Variants in PDZRN4 observed in about 807,000 individuals in gnomAD.
PDZRN4 encodes PDZ domain-containing RING finger protein 4.
Under a neutral mutation model 99.0 loss-of-function variants are expected in PDZRN4, and 70 were observed. That is an observed-to-expected ratio of 0.71 (90% CI 0.58 to 0.86). The LOEUF is 0.86. Among genes scored for constraint, PDZRN4 ranks in the 40% least tolerant of loss-of-function variants. PDZRN4 has a pLI of 0.00. For missense variants in PDZRN4, 1,474 were observed against 1,331.2 expected (o/e 1.11, Z -1.67); for synonymous variants, 551 against 501.6 (o/e 1.10, Z -1.32).
intron 3 of PDZRN4, among the ~76,000 whole-genome samples, chr12:41,343,832 C>A (rs1951834611): frequency 6.6e-6 from 1 of 151,694 alleles, no homozygotes; most frequent in Non-Finnish European, 1.5e-5. Context: ...TATATGAAAA[C>A]ATCAAATTGT....
At position 41,573,327 on chromosome 12, in the gene PDZRN4, T is replaced by A. The variant is rs143462708; in HGVS notation, c.2548T>A (p.Tyr850Asn). The A allele has an allele frequency of 6.2e-7, 1 of 1,613,294 alleles. No individual in the cohort carries two copies. The highest frequency in any genetic ancestry group is 2.2e-5 in the East Asian group (1 of 44,870). The change falls in exon 10 of 10, where the codon TAT becomes AAT. Residue 850 changes from tyrosine (Y) to asparagine (N), a missense_variant. Transcript: ENST00000402685. ...AAACATCCCAGCACACGCCCGGCAT[T>A]ATCAAAGCTACATGCAGTTAATTCA... Reference protein sequence around the residue: ...YANIPAHARHYQSYMQLIQQK... With the variant: ...YANIPAHARHNQSYMQLIQQK...
chr12:41,452,172 A>G (rs2608701), intron 3 of PDZRN4, among the ~76,000 whole-genome samples: 76,923 of 151,068 alleles, frequency 0.51, 20,078 homozygotes, highest in African/African-American at 0.64. Context: ...GCTCACACCT[A>G]TAATCCCAGC....
chr12:41,539,555 C>T (rs77330523), intron 5 of PDZRN4, among the ~76,000 whole-genome samples: 1,619 of 152,190 alleles, frequency 0.011, 22 homozygotes, highest in African/African-American at 0.037. Flanking sequence ...AACTCCCTCT[C>T]CCCAGTATAA....
intron 3 of PDZRN4, among the ~76,000 whole-genome samples, chr12:41,380,960 C>T (rs1349677396): frequency 6.6e-6 from 1 of 152,130 alleles, no homozygotes; most frequent in South Asian, 2.1e-4. Flanking sequence ...GCCTTTATCT[C>T]TGTCTTCATG....
In PDZRN4 at chr12:41,572,887, A is replaced by G; in HGVS notation, c.2108A>G (p.His703Arg). The change falls in exon 10 of 10, where the codon CAT (histidine) becomes CGT (arginine). Residue 703 changes from histidine (H) to arginine (R), a missense_variant. By Grantham distance (29) the His-to-Arg change is conservative. Coordinates refer to ENST00000402685, the MANE Select transcript of PDZRN4 (RefSeq NM_001164595.2). ...CAGTATGGAGACATCTGGACATTGC[A>G]TGATGGAGGATTCCGGAATTATAAC... ...TDQYGDIWTL[H>R]DGGFRNYNTS... The G allele has an allele frequency of 6.2e-7, 1 of 1,614,176 alleles. No individual in the cohort carries two copies. The highest frequency in any genetic ancestry group is 8.5e-7 in the Non-Finnish European group (1 of 1,180,016).
At chr12:41,400,119 C>T (rs1033613088) in intron 3 of PDZRN4, among the ~76,000 whole-genome samples, 2 of 152,120 alleles carry the variant, frequency 1.3e-5, no homozygotes, top group African/African-American at 4.8e-5. Flanking sequence ...GTGCTGGTTG[C>T]AAGAATATGA....
chr12:41,329,873 T>C (rs1342452881), intron 3 of PDZRN4, among the ~76,000 whole-genome samples: 3 of 152,112 alleles, frequency 2.0e-5, no homozygotes, highest in Non-Finnish European at 4.4e-5. Flanking sequence ...TTTACTCAAG[T>C]TGATCAGACC....
At chr12:41,460,074 A>G in intron 3 of PDZRN4, 2 of 1,283,456 alleles carry the variant, frequency 1.6e-6, no homozygotes, top group Non-Finnish European at 2.0e-6. Context: ...ATGAGTGGTA[A>G]ATTTTCCCTA....
intron 3 of PDZRN4, among the ~76,000 whole-genome samples, chr12:41,239,423 G>A (rs1229219212): frequency 6.6e-6 from 1 of 152,130 alleles, no homozygotes; most frequent in Non-Finnish European, 1.5e-5. Flanking sequence ...CATGGCACAT[G>A]TTTACCCATG....
intron 3 of PDZRN4, among the ~76,000 whole-genome samples, chr12:41,353,389 A>G (rs1283004139): frequency 6.6e-6 from 1 of 151,978 alleles, no homozygotes; most frequent in African/African-American, 2.4e-5. Context: ...CATTGGTAGG[A>G]GTCAGACCTT....
intron 3 of PDZRN4, 122 bp downstream of exon 3, chr12:41,194,310 A>G (rs1267946063): frequency 6.2e-6 from 4 of 648,950 alleles, no homozygotes; most frequent in Non-Finnish European, 1.1e-5. Context: ...TAGTAGCAGT[A>G]AAGGCATTAT....
chr12:41,374,453 A>G (rs921591344), intron 3 of PDZRN4, among the ~76,000 whole-genome samples: 2 of 152,278 alleles, frequency 1.3e-5, no homozygotes, highest in Non-Finnish European at 2.9e-5. Flanking sequence ...GTGAGGGCCA[A>G]GTCTTGTCCC....
intron 3 of PDZRN4, among the ~76,000 whole-genome samples, chr12:41,465,559 G>C (rs957372883): frequency 6.6e-6 from 1 of 152,204 alleles, no homozygotes; most frequent in African/African-American, 2.4e-5. Context: ...TTTGCTTATA[G>C]ATAGGTTAAT....
At chr12:41,371,299 T>C (rs1321828631) in intron 3 of PDZRN4, among the ~76,000 whole-genome samples, 1 of 151,850 alleles carries the variant, frequency 6.6e-6, no homozygotes, top group Non-Finnish European at 1.5e-5. Context: ...TTACAAACTG[T>C]ATATGGCACT....
At chr12:41,466,249 T>A (rs1219958826) in intron 3 of PDZRN4, among the ~76,000 whole-genome samples, 1 of 152,196 alleles carries the variant, frequency 6.6e-6, no homozygotes, top group African/African-American at 2.4e-5. Context: ...TTAAGGGCTA[T>A]CACTCAGGGG....
chr12:41,322,417 C>A (rs746828555), intron 3 of PDZRN4, among the ~76,000 whole-genome samples: 62 of 150,146 alleles, frequency 4.1e-4, no homozygotes, highest in Non-Finnish European at 8.1e-4. Context: ...ATAGCTAGAT[C>A]TCATTTTATA....
intron 3 of PDZRN4, among the ~76,000 whole-genome samples, chr12:41,466,438 G>T (rs1490497904): frequency 2.0e-5 from 3 of 152,148 alleles, no homozygotes; most frequent in African/African-American, 7.2e-5. Context: ...CCCCAGAGGA[G>T]GGAGGAGGGT....
intron 3 of PDZRN4, among the ~76,000 whole-genome samples, chr12:41,293,678 T>C (rs1477816731): frequency 1.3e-5 from 2 of 152,136 alleles, no homozygotes; most frequent in Non-Finnish European, 2.9e-5. Flanking sequence ...ACCCTGGAAA[T>C]TACCAGAGGA....
rs953178608 is a variant in PDZRN4 at position 41,261,417 on chromosome 12, A to C, written c.843+67229A>C. Among the ~76,000 whole-genome samples, 3 of 152,216 alleles carry C rather than the reference A, an allele frequency of 2.0e-5. No homozygotes were observed. The East Asian group carries it at 5.8e-4, about 29-fold the overall frequency. On this transcript the variant is annotated intron_variant, in intron 3 of 9. Transcript: ENST00000402685. ...TGCTTCATCAGAAGTTGAAGGCTTAATCAAGATTTAGCAATTAAAGAAATT... is the reference window on the plus strand; with the variant it reads ...TGCTTCATCAGAAGTTGAAGGCTTACTCAAGATTTAGCAATTAAAGAAATT...
Sources: allele counts gnomAD v4.1 joint callset (sites outside exome capture counted in the v4.1 genomes callset), GRCh38; gene constraint gnomAD v4.1.1; transcripts MANE v1.5; gene names NCBI Gene and HGNC (gene_info 2026-07-23, HGNC 2026-07-21).